Variants in KLHL29 observed in about 807,000 individuals in gnomAD.
KLHL29 encodes kelch like family member 29.
A neutral mutation model predicts 80.4 loss-of-function variants in KLHL29; 21 were observed. The observed-to-expected ratio is 0.26, with a 90% CI of 0.19 to 0.38. KLHL29 has a LOEUF of 0.38. Among genes scored for constraint, KLHL29 ranks in the 10% least tolerant of loss-of-function variants. The probability of loss-of-function intolerance (pLI) is 1.00; values close to 1 mark genes in which losing one functional copy is unlikely to be tolerated. For synonymous variants in KLHL29, 511 were observed against 526.8 expected, an observed-to-expected ratio of 0.97 and a Z score of 0.41; for missense variants, 867 against 1,223.9, an observed-to-expected ratio of 0.71 and a Z score of 4.35.
intron 3 of KLHL29, among the ~76,000 whole-genome samples, chr2:23,635,938 G>A: frequency 6.6e-6 from 1 of 152,242 alleles, no homozygotes; most frequent in East Asian, 1.9e-4. Flanking sequence ...TCTTCTGGTT[G>A]GTTTTCGTGG....
chr2:23,676,511 C>T (rs1157543582), intron 5 of KLHL29, among the ~76,000 whole-genome samples: 1 of 152,188 alleles, frequency 6.6e-6, no homozygotes, highest in East Asian at 1.9e-4. Context: ...AGGCTTACAG[C>T]CAGCCATGGT....
chr2:23,611,944 A>G (rs116218065), intron 3 of KLHL29, among the ~76,000 whole-genome samples: 209 of 152,108 alleles, frequency 1.4e-3, no homozygotes, highest in African/African-American at 4.9e-3. Flanking sequence ...CACCTTAAGT[A>G]AAGAGAGACC....
chr2:23,404,129 G>A (rs957210574), intron 1 of KLHL29, among the ~76,000 whole-genome samples: 3 of 152,132 alleles, frequency 2.0e-5, no homozygotes, highest in South Asian at 4.2e-4. Flanking sequence ...CAGCCAGAAC[G>A]AAATGCGTTT....
At chr2:23,432,446 A>G (rs1572507939) in intron 1 of KLHL29, among the ~76,000 whole-genome samples, 1 of 152,238 alleles carries the variant, frequency 6.6e-6, no homozygotes. Context: ...TTTTCCAGTC[A>G]CATGCTGTGT....
intron 1 of KLHL29, among the ~76,000 whole-genome samples, chr2:23,431,922 A>G (rs984177140): frequency 7.1e-4 from 104 of 146,524 alleles, no homozygotes; most frequent in African/African-American, 2.1e-3. Context: ...AAAAAAAAAA[A>G]GCAGTGAAAA....
chr2:23,653,434 C>A (rs1670140614), intron 5 of KLHL29, among the ~76,000 whole-genome samples: 1 of 152,232 alleles, frequency 6.6e-6, no homozygotes, highest in African/African-American at 2.4e-5. Context: ...GCTCTTAAGC[C>A]TCTCCAAGCT....
In KLHL29 at chr2:23,386,660, C is replaced by A. The variant is rs1666190446; in HGVS notation, c.-154+880C>A. On this transcript the variant is annotated intron_variant, in intron 1 of 13. Coordinates refer to ENST00000486442, the MANE Select transcript of KLHL29 (RefSeq NM_052920.2). ...AGCCCAGGGCTCGCGTCCCGGTCTC[C>A]GTGGCCTGGAGCGGGCTGAGAGCGC... 2.6e-5 allele frequency among the ~76,000 whole-genome samples: 4 copies of A among 152,124 alleles called. No individual in the cohort carries two copies. In the South Asian group the frequency reaches 8.3e-4, roughly 31 times the overall value.
chr2:23,643,829 A>C (rs1220667887), intron 5 of KLHL29: 2 of 152,254 alleles, frequency 1.3e-5, no homozygotes, highest in Non-Finnish European at 2.9e-5. Flanking sequence ...AGTCTGGCCC[A>C]ACGGGGTGTC....
Position 23,457,990 on chromosome 2 carries a change from G to A in KLHL29, c.-153-17570G>A, listed in dbSNP as rs1296001403. Among the ~76,000 whole-genome samples, 1 of 152,114 alleles carries A rather than the reference G, an allele frequency of 6.6e-6. No homozygotes were observed. The highest frequency in any genetic ancestry group is 1.5e-5 in the Non-Finnish European group (1 of 68,016). On this transcript the variant is annotated intron_variant, in intron 1 of 13. Coordinates refer to ENST00000486442, the MANE Select transcript of KLHL29 (RefSeq NM_052920.2). The surrounding 1 kb of genome is among the most constrained non-coding windows in gnomAD (Gnocchi z 4.3). ...ATCACGCCACTGCACTCCAGCCTGG[G>A]CGACAGAGCGAGACTCTGTCTCAAA...
intron 6 of KLHL29, 177 bp from the exon 7 acceptor site, chr2:23,691,495 TCA>T (rs1399239152): frequency 1.6e-6 from 1 of 607,112 alleles, no homozygotes; most frequent in African/African-American, 1.9e-5. Flanking sequence ...GCGTCTCTGG[TCA>T]GACTCTTCTC....
At chr2:23,600,269 G>C (rs1220175287) in intron 3 of KLHL29, among the ~76,000 whole-genome samples, 2 of 152,226 alleles carry the variant, frequency 1.3e-5, no homozygotes, top group African/African-American at 4.8e-5. Flanking sequence ...AGGGGACTCA[G>C]CATAATGAAT....
Position 23,637,717 on chromosome 2 carries a change from C to G in KLHL29, c.286-1422C>G, listed in dbSNP as rs1669653591. ...CTCCGCATCCACACCCCCTTTCTGT[C>G]CCTGGCACAGAACCCAGGAGAGCCA... On this transcript the variant is annotated intron_variant, in intron 3 of 13. Coordinates refer to ENST00000486442, the MANE Select transcript of KLHL29 (RefSeq NM_052920.2). Among the ~76,000 whole-genome samples the G allele has an allele frequency of 2.0e-5, 3 of 152,134 alleles. No homozygotes were observed. The South Asian group carries it at 6.2e-4, about 31-fold the overall frequency.
intron 2 of KLHL29, among the ~76,000 whole-genome samples, chr2:23,537,792 A>G (rs912062942): frequency 5.9e-5 from 9 of 152,120 alleles, no homozygotes; most frequent in African/African-American, 2.2e-4. Context: ...CACCAAGTCT[A>G]CTTAGGGATG....
chr2:23,425,195 T>C (rs1475091169), intron 1 of KLHL29, among the ~76,000 whole-genome samples: 1 of 152,244 alleles, frequency 6.6e-6, no homozygotes, highest in Non-Finnish European at 1.5e-5. Flanking sequence ...TTTTTTACCA[T>C]AAGCCATGCA....
At chr2:23,449,534 A>T (rs904970685) in intron 1 of KLHL29, among the ~76,000 whole-genome samples, 1 of 152,106 alleles carries the variant, frequency 6.6e-6, no homozygotes, top group Non-Finnish European at 1.5e-5. Context: ...TAGCTGGCTG[A>T]TCTCTCACTA....
At chr2:23,393,656 C>T (rs1666378511) in intron 1 of KLHL29, among the ~76,000 whole-genome samples, 1 of 152,154 alleles carries the variant, frequency 6.6e-6, no homozygotes, top group Non-Finnish European at 1.5e-5. Flanking sequence ...TTAGTTTTTT[C>T]TCGAGATGGG....
At chr2:23,389,399 A>C (rs1302287595) in intron 1 of KLHL29, among the ~76,000 whole-genome samples, 1 of 152,236 alleles carries the variant, frequency 6.6e-6, no homozygotes, top group East Asian at 1.9e-4. Context: ...TAATTGGAAC[A>C]CTTAAGTTCA....
chr2:23,465,878 G>C (rs975898930), intron 1 of KLHL29, among the ~76,000 whole-genome samples: 1 of 152,080 alleles, frequency 6.6e-6, no homozygotes, highest in Non-Finnish European at 1.5e-5. Flanking sequence ...AACTTAGCCT[G>C]CACCATCAGC....
intron 2 of KLHL29, among the ~76,000 whole-genome samples, chr2:23,489,484 G>C (rs1163994844): frequency 6.6e-6 from 1 of 152,156 alleles, no homozygotes; most frequent in African/African-American, 2.4e-5. Flanking sequence ...ATGGAGAAGA[G>C]CTTGTCCCCA....
Sources: allele counts gnomAD v4.1 joint callset (sites outside exome capture counted in the v4.1 genomes callset), GRCh38; gene constraint gnomAD v4.1.1; non-coding constraint Gnocchi (gnomAD v3.1); transcripts MANE v1.5; gene names NCBI Gene and HGNC (gene_info 2026-07-23, HGNC 2026-07-21).